PSME4: variants seen among roughly 807,000 people sequenced by gnomAD.
PSME4 encodes the protein proteasome activator subunit 4, also known as proteasome activator complex subunit 4.
Under a neutral mutation model 253.9 loss-of-function variants are expected in PSME4, and 89 were observed. The ratio of observed to expected loss-of-function variants is 0.35; its 90% CI spans 0.30 to 0.42. The LOEUF is 0.42. Ranked by LOEUF, PSME4 falls within the 10% of genes least tolerant of loss-of-function variation. PSME4 has a pLI of 1.00. For synonymous variants in PSME4, 851 were observed against 759.2 expected (o/e 1.12, Z -1.99); for missense variants, 2,014 against 2,195.2 (o/e 0.92, Z 1.65).
chr2:53,937,522 G>T lies in PSME4; in HGVS notation c.564C>A (p.Ala188=), dbSNP rs753417064. The T allele has an allele frequency of 2.5e-6, 4 of 1,609,588 alleles. No homozygotes were observed. Among genetic ancestry groups the T allele is most frequent in the African/African-American group, 2.7e-5 (2 of 74,508 alleles). Residue 188 remains alanine (A), a synonymous_variant, in exon 5 of 47, where the codon GCC becomes GCA. Transcript: ENST00000404125. The part of the protein sequence containing the change: ...KSCRPYFPAD[A]TAEMLEEWRP... ...GCCATTCTTCTAGCATCTCAGCGGT[G>T]GCATCTGCTGGAAAATATCTAATAA...
chr2:53,948,995 G>C (rs1036007072), intron 2 of PSME4, 148 bp downstream of exon 2: 7 of 1,125,086 alleles, frequency 6.2e-6, no homozygotes, highest in South Asian at 2.0e-5. Context: ...TGACACATTT[G>C]ATGAAAATTA....
At chr2:53,912,701 A>T (rs1329618847) in intron 20 of PSME4, among the ~76,000 whole-genome samples, 1 of 152,136 alleles carries the variant, frequency 6.6e-6, no homozygotes, top group African/African-American at 2.4e-5. Flanking sequence ...CCTGGCCCCA[A>T]GCAATCCTCC....
chr2:53,890,567 A>G (rs1679858432), intron 36 of PSME4, among the ~76,000 whole-genome samples: 1 of 152,220 alleles, frequency 6.6e-6, no homozygotes, highest in African/African-American at 2.4e-5. Context: ...TTGGCCTCCC[A>G]AAGTGCTGGA....
At chr2:53,903,818 C>G (rs902768339) in intron 27 of PSME4, among the ~76,000 whole-genome samples, 1 of 151,872 alleles carries the variant, frequency 6.6e-6, no homozygotes, top group Non-Finnish European at 1.5e-5. Flanking sequence ...AAAGATCATA[C>G]CTGTTTAAAG....
chr2:53,937,749 G>C (rs922982828), intron 4 of PSME4, among the ~76,000 whole-genome samples: 14 of 152,134 alleles, frequency 9.2e-5, no homozygotes, highest in African/African-American at 3.1e-4. Flanking sequence ...TGTAATTCCA[G>C]AACTTTGGGA....
chr2:53,894,655 C>G (rs766474883), intron 34 of PSME4, among the ~76,000 whole-genome samples: 1 of 148,952 alleles, frequency 6.7e-6, no homozygotes, highest in Non-Finnish European at 1.5e-5. Flanking sequence ...ACGGAGATCC[C>G]ATAATTTATA....
chr2:53,911,994 C>G (rs1340871727), intron 20 of PSME4, among the ~76,000 whole-genome samples: 1 of 152,164 alleles, frequency 6.6e-6, no homozygotes, highest in East Asian at 1.9e-4. Context: ...ATGCTGACTA[C>G]TTTAAAAAAT....
Position 53,890,078 on chromosome 2 carries a change from A to G in PSME4, c.4296+26T>C, listed in dbSNP as rs754778551. The G allele has an allele frequency of 2.6e-6, 4 of 1,527,178 alleles. No individual in the cohort carries two copies. In the African/African-American group the frequency reaches 4.1e-5, roughly 16 times the overall value. 94.6% of individuals were successfully genotyped at this position (1,527,178 alleles called of 1,614,324 possible). A position where few individuals can be genotyped will look rare whatever the true frequency, so the allele number is the denominator to read the frequency against. Reference sequence around the variant, plus strand: ...CAAACAGTTTGAATAGATCAGTTAGACAAAGAAAGATGTAGGGTAACTTAC... The same window carrying G: ...CAAACAGTTTGAATAGATCAGTTAGGCAAAGAAAGATGTAGGGTAACTTAC... On this transcript the variant is annotated intron_variant, in intron 37 of 46. Transcript: ENST00000404125.
At chr2:53,940,041 T>G (rs1402943225) in intron 3 of PSME4, 41 bp from the exon 4 acceptor site, 2 of 1,411,492 alleles carry the variant, frequency 1.4e-6, no homozygotes, top group East Asian at 4.7e-5. Context: ...TTGGTGTATT[T>G]TAAGAACATA....
chr2:53,907,867 T>A (rs805317), intron 24 of PSME4: 76,043 of 152,994 alleles, frequency 0.5, 19,290 homozygotes, highest in East Asian at 0.71. Flanking sequence ...GCGTAAGAAT[T>A]CTGCCATGAA....
intron 33 of PSME4, 37 bp from the exon 34 acceptor site, chr2:53,895,113 A>G (rs1680083586): frequency 6.5e-7 from 1 of 1,544,128 alleles, no homozygotes; most frequent in Non-Finnish European, 8.8e-7. Flanking sequence ...ATACGCATAG[A>G]AAAAAATATT....
At chr2:53,959,627 T>C (rs1670392370) in intron 1 of PSME4, among the ~76,000 whole-genome samples, 1 of 152,154 alleles carries the variant, frequency 6.6e-6, no homozygotes, top group South Asian at 2.1e-4. Flanking sequence ...CAGAGAAAAC[T>C]AAGGGATCAG....
Position 53,961,794 on chromosome 2 carries a change from A to G in PSME4, c.242+8749T>C, listed in dbSNP as rs185154575. Among the ~76,000 whole-genome samples, 306 of 152,336 alleles carry G rather than the reference A, an allele frequency of 2.0e-3. 3 individuals are homozygous for G. Among genetic ancestry groups the G allele is most frequent in the Admixed American group, 2.0e-3 (31 of 15,298 alleles). ...GCCATTTTTATACTTTCTGCAGAAA[A>G]GGTACACTCGCCAGCAGTTTTGCCA... On this transcript the variant is annotated intron_variant, in intron 1 of 46. Transcript: ENST00000404125.
At chr2:53,877,695 C>A (rs1422049144) in intron 41 of PSME4, among the ~76,000 whole-genome samples, 1 of 152,076 alleles carries the variant, frequency 6.6e-6, no homozygotes, top group Admixed American at 6.6e-5. Flanking sequence ...TAAAACTGGA[C>A]CAAAGACAGA....
In PSME4 at chr2:53,888,083, C is replaced by G. The variant is rs530183098; in HGVS notation, c.4389-94G>C. On this transcript the variant is annotated intron_variant, in intron 38 of 46. Transcript: ENST00000404125. ...GACAATATCTGTATTTCACTTAAAG[C>G]TTTTTCGTTTTTTCACTTAATAAAT... The G allele has an allele frequency of 2.3e-6, 3 of 1,324,092 alleles. No homozygotes were observed. The East Asian group carries it at 7.9e-5, about 35-fold the overall frequency. 82.0% of individuals were successfully genotyped at this position (1,324,092 alleles called of 1,614,324 possible). A position where few individuals can be genotyped will look rare whatever the true frequency, so the allele number is the denominator to read the frequency against.
intron 11 of PSME4, among the ~76,000 whole-genome samples, chr2:53,927,792 C>T (rs1002415622): frequency 9.9e-5 from 15 of 151,940 alleles, no homozygotes; most frequent in South Asian, 2.1e-4. Flanking sequence ...ACTAAAAATA[C>T]GAAACCCAGC....
chr2:53,910,179 G>C, intron 20 of PSME4, 49 bp from the exon 21 acceptor site: 1 of 1,448,124 alleles, frequency 6.9e-7, no homozygotes, highest in Non-Finnish European at 9.7e-7. Context: ...CCAATATGAA[G>C]TATTAAAGGG....
chr2:53,952,844 G>A (rs1233984910), intron 1 of PSME4, among the ~76,000 whole-genome samples: 1 of 152,198 alleles, frequency 6.6e-6, no homozygotes, highest in Non-Finnish European at 1.5e-5. Context: ...TGTGCAGCCC[G>A]GTTCCTAACA....
At chr2:53,894,982 A>G in intron 34 of PSME4, 25 bp downstream of exon 34, 2 of 1,592,112 alleles carry the variant, frequency 1.3e-6, no homozygotes, top group Non-Finnish European at 1.7e-6. Flanking sequence ...GATGCATTTG[A>G]ACCATGGTGA....
Sources: allele counts gnomAD v4.1 joint callset (sites outside exome capture counted in the v4.1 genomes callset), GRCh38; gene constraint gnomAD v4.1.1; transcripts MANE v1.5; gene names NCBI Gene and HGNC (gene_info 2026-07-23, HGNC 2026-07-21).